Variants in MSI2 observed in about 807,000 individuals in gnomAD.
MSI2 encodes the protein musashi RNA binding protein 2.
In MSI2, 17 loss-of-function variants were observed where a neutral mutation model predicts 45.6. The ratio of observed to expected loss-of-function variants is 0.37; its 90% confidence interval spans 0.26 to 0.56. The LOEUF is 0.56. Ranked by LOEUF, MSI2 falls within the 20% of genes least tolerant of loss-of-function variation. The probability of loss-of-function intolerance (pLI) is 0.77; values close to 1 mark genes in which losing one functional copy is unlikely to be tolerated. For missense variants in MSI2, 293 were observed against 444.2 expected, an observed-to-expected ratio of 0.66 and a Z score of 3.06; for synonymous variants, 156 against 158.2, an observed-to-expected ratio of 0.99 and a Z score of 0.11.
At chr17:57,665,682 G>A (rs1014762875) in intron 11 of MSI2, among the ~76,000 whole-genome samples, 30 of 151,950 alleles carry the variant, frequency 2.0e-4, no homozygotes, top group African/African-American at 7.0e-4. Flanking sequence ...TTCAGCCCTA[G>A]GGTGTGCCAG....
chr17:57,522,304 G>A (rs2086605575), intron 6 of MSI2: 1 of 152,280 alleles, frequency 6.6e-6, no homozygotes, highest in Non-Finnish European at 1.5e-5. Flanking sequence ...GGAGCAGGAA[G>A]AGAAATTCAA....
intron 6 of MSI2, among the ~76,000 whole-genome samples, chr17:57,498,926 C>T (rs1321190198): frequency 8.1e-5 from 10 of 123,436 alleles, no homozygotes; most frequent in African/African-American, 3.0e-4. Flanking sequence ...CCTCCCCCCA[C>T]CCCACAACAG....
chr17:57,647,468 G>C (rs1910766308), intron 10 of MSI2, among the ~76,000 whole-genome samples: 1 of 148,122 alleles, frequency 6.8e-6, no homozygotes, highest in Non-Finnish European at 1.5e-5. Context: ...AAAAAGTAAA[G>C]GAAAAAGAAA....
intron 6 of MSI2, among the ~76,000 whole-genome samples, chr17:57,482,925 A>G (rs543422810): frequency 6.6e-6 from 1 of 152,222 alleles, no homozygotes; most frequent in Non-Finnish European, 1.5e-5. Flanking sequence ...GGAATTGACT[A>G]AAAAGGAAAC....
At chr17:57,430,013 A>T (rs1356330210) in intron 6 of MSI2, among the ~76,000 whole-genome samples, 1 of 152,206 alleles carries the variant, frequency 6.6e-6, no homozygotes, top group Non-Finnish European at 1.5e-5. Flanking sequence ...AGGGAAACAG[A>T]TGCATGGAAG....
rs1190340579 is a variant in MSI2 at position 57,280,400 on chromosome 17, G to T, written c.312+18208G>T. Among the ~76,000 whole-genome samples the T allele has an allele frequency of 6.6e-6, 1 of 152,218 alleles. No homozygotes were observed. Among genetic ancestry groups the T allele is most frequent in the Non-Finnish European group, 1.5e-5 (1 of 68,034 alleles). On this transcript the variant is annotated intron_variant, in intron 5 of 13. Coordinates refer to ENST00000284073, the MANE Select transcript of MSI2 (RefSeq NM_138962.4). The surrounding 1 kb of genome is among the most constrained non-coding windows in gnomAD (Gnocchi z 4.2). ...GTGGTGATCCACTTGAGGAAGGATG[G>T]CTGCTTAGCTGAGTTCTTGGAGGTA...
chr17:57,422,721 G>A (rs1598251405), intron 6 of MSI2, among the ~76,000 whole-genome samples: 2 of 152,210 alleles, frequency 1.3e-5, no homozygotes, highest in African/African-American at 4.8e-5. Context: ...CTGAGATGTG[G>A]CGCATTATAT....
the MSI2 span, among the ~76,000 whole-genome samples, chr17:57,700,940 C>G: frequency 1.3e-5 from 2 of 152,026 alleles, no homozygotes; most frequent in African/African-American, 2.4e-5. Context: ...AGCCTGCTCC[C>G]ACACTTCCCA....
rs74509020 is a variant in MSI2 at position 57,375,218 on chromosome 17, G to A, written c.313-26161G>A. 1.6e-3 allele frequency among the ~76,000 whole-genome samples: 241 copies of A among 152,338 alleles called. 1 individual carries two copies. Among genetic ancestry groups the A allele is most frequent in the African/African-American group, 5.2e-3 (216 of 41,576 alleles). On this transcript the variant is annotated intron_variant, in intron 5 of 13. Coordinates refer to ENST00000284073, the MANE Select transcript of MSI2 (RefSeq NM_138962.4). ...ATAGAGGGTCAAAAATGGAGCGAGAGATGGCACAAAGTGTAGTGATCAGCA... is the reference window on the plus strand; with the variant it reads ...ATAGAGGGTCAAAAATGGAGCGAGAAATGGCACAAAGTGTAGTGATCAGCA...
At chr17:57,542,740 T>TGGACCAG (rs1330452777) in intron 7 of MSI2, among the ~76,000 whole-genome samples, 2 of 152,224 alleles carry the variant, frequency 1.3e-5, no homozygotes, top group African/African-American at 2.4e-5. Flanking sequence ...ACTGCTGACT[T>TGGACCAG]GGACCAGGTC....
chr17:57,614,695 A>G (rs1462240465), intron 8 of MSI2, among the ~76,000 whole-genome samples: 1 of 152,202 alleles, frequency 6.6e-6, no homozygotes, highest in Non-Finnish European at 1.5e-5. Context: ...CTGGCTAACA[A>G]TGCTTGTTAA....
intron 6 of MSI2, among the ~76,000 whole-genome samples, chr17:57,415,248 C>T (rs1025893263): frequency 6.6e-6 from 1 of 152,162 alleles, no homozygotes; most frequent in Non-Finnish European, 1.5e-5. Flanking sequence ...CATTAAGCCA[C>T]AGCACAATCC....
chr17:57,437,476 T>C (rs2084710611), intron 6 of MSI2, among the ~76,000 whole-genome samples: 1 of 152,052 alleles, frequency 6.6e-6, no homozygotes, highest in East Asian at 1.9e-4. Context: ...GGCAATAGGA[T>C]GGATTGGGGG....
chr17:57,438,348 C>T (rs553631705), intron 6 of MSI2, among the ~76,000 whole-genome samples: 47 of 152,200 alleles, frequency 3.1e-4, no homozygotes, highest in African/African-American at 9.9e-4. Flanking sequence ...AGGGGCTGGC[C>T]GCAGAGATAA....
At chr17:57,439,610 G>A (rs1322223312) in intron 6 of MSI2, among the ~76,000 whole-genome samples, 2 of 150,756 alleles carry the variant, frequency 1.3e-5, no homozygotes, top group Non-Finnish European at 3.0e-5. Context: ...TCAGGCTGGA[G>A]TGCAGTGGCA....
At chr17:57,444,263 T>G (rs1279123148) in intron 6 of MSI2, among the ~76,000 whole-genome samples, 1 of 151,966 alleles carries the variant, frequency 6.6e-6, no homozygotes, top group Non-Finnish European at 1.5e-5. Flanking sequence ...GGAGGCAGAT[T>G]CTATTATCTG....
intron 7 of MSI2, chr17:57,531,720 C>T (rs962122224): frequency 3.9e-5 from 6 of 152,162 alleles, no homozygotes; most frequent in Admixed American, 6.5e-5. Flanking sequence ...GCTGGGGGCT[C>T]ACACTGGTAT....
At chr17:57,521,893 T>C (rs546080802) in intron 6 of MSI2, among the ~76,000 whole-genome samples, 5 of 152,216 alleles carry the variant, frequency 3.3e-5, no homozygotes, top group Non-Finnish European at 7.3e-5. Context: ...GTCTGCTCCT[T>C]CTTCTCCGTC....
intron 6 of MSI2, among the ~76,000 whole-genome samples, chr17:57,460,323 T>C (rs1248852580): frequency 5.3e-5 from 8 of 150,348 alleles, no homozygotes; most frequent in Non-Finnish European, 1.5e-5. Flanking sequence ...AACCCTGTCT[T>C]GGGAAGGAAA....
Sources: allele counts gnomAD v4.1 joint callset (sites outside exome capture counted in the v4.1 genomes callset), GRCh38; gene constraint gnomAD v4.1.1; non-coding constraint Gnocchi (gnomAD v3.1); transcripts MANE v1.5; gene names NCBI Gene and HGNC (gene_info 2026-07-23, HGNC 2026-07-21).